Variants in DPP7 observed in about 807,000 individuals in gnomAD.
DPP7 encodes the protein dipeptidyl peptidase 7.
A neutral mutation model predicts 58.8 loss-of-function variants in DPP7; 74 were observed. The observed-to-expected ratio is 1.26, with a 90% confidence interval of 1.04 to 1.53. The LOEUF (loss-of-function observed/expected upper bound fraction) is 1.53, where lower values mean the gene tolerates loss of function less well. DPP7 is among the 40% of genes most tolerant of loss of function. DPP7 has a pLI of 0.00. For synonymous variants in DPP7, 350 were observed against 303.6 expected (o/e 1.15, Z -1.59); for missense variants, 807 against 692.3 (o/e 1.17, Z -1.86).
At chr9:137,112,660 G>T in intron 8 of DPP7, 85 bp downstream of exon 8, 1 of 1,483,836 alleles carries the variant, frequency 6.7e-7, no homozygotes. Flanking sequence ...TGGCCGGGCT[G>T]CGGATCCTCG....
upstream of DPP7, among the ~76,000 whole-genome samples, chr9:137,115,627 G>T (rs1347928744): frequency 6.6e-6 from 1 of 152,136 alleles, no homozygotes; most frequent in African/African-American, 2.4e-5. Context: ...TGCCCATCCT[G>T]TGTGGGGCTG....
rs1831473824 is a variant in DPP7, at chr9:137,113,382, CT to C, written c.599del (p.Gln200ArgfsTer56). 1 of 1,610,634 alleles carries C rather than the reference CT, an allele frequency of 6.2e-7. No homozygotes were observed. The highest frequency in any genetic ancestry group is 1.7e-5 in the Admixed American group (1 of 59,924). On this transcript the variant is annotated frameshift_variant, in exon 5 of 13. Transcript: ENST00000371579. LOFTEE classifies it high-confidence loss of function. ...TCACCGCCGTGACGTCCCGGAAGAA[CT>C]GGTTGGAGTCGCCGAGGCCTGCCAC... is the stretch of plus-strand genomic sequence containing the variant. ...LAVAGLGDSN[Q>X]FFRDVTADFE...
Position 137,112,974 on chromosome 9 carries a change from G to A in DPP7, c.849C>T (p.Pro283=). The change falls in exon 7 of 13, where the codon CCC becomes CCT. Residue 283 remains proline, a synonymous_variant. Transcript: ENST00000371579. ...TCACCTTGACGGGGTTGGCAGGGAGGGGACCCAGGAAGTCAGTGGGGTAGG... is the reference window on the plus strand; with the variant it reads ...TCACCTTGACGGGGTTGGCAGGGAGAGGACCCAGGAAGTCAGTGGGGTAGG... The part of the protein sequence containing the change: ...DYPYPTDFLG[P]LPANPVKVGC... 6.2e-7 allele frequency: 1 copy of A among 1,613,518 alleles called. No individual in the cohort carries two copies. The highest frequency in any genetic ancestry group is 8.5e-7 in the Non-Finnish European group (1 of 1,180,002).
chr9:137,110,661 C>G lies in DPP7; in HGVS notation c.1466G>C (p.Arg489Thr). Residue 489 changes from arginine (R) to threonine (T), a missense_variant, in exon 13 of 13, where the codon AGA becomes ACA. Physicochemically the swap from Arg to Thr is moderately conservative, Grantham distance 71 (BLOSUM62 -1). Transcript: ENST00000371579. ...EQQPALRGGP[R>T]LSL The stretch of plus-strand genomic sequence containing the variant: ...CCAGTCCTGTGCTCAGAGGCTGAGT[C>G]TGGGCCCCCCACGCAGAGCTGGCTG... 1.2e-6 allele frequency: 2 copies of G among 1,609,408 alleles called. No homozygotes were observed. Among genetic ancestry groups the G allele is most frequent in the Non-Finnish European group, 1.7e-6 (2 of 1,179,914 alleles).
At chr9:137,114,890 G>A (rs1378995342), upstream of DPP7, 3 of 386,976 alleles carry the variant, frequency 7.8e-6, no homozygotes, top group Non-Finnish European at 1.3e-5. Flanking sequence ...CGCTGCCCAG[G>A]GGTCCTTCCC....
chr9:137,114,415 G>T, intron 2 of DPP7, 33 bp from the exon 3 acceptor site: 2 of 1,569,422 alleles, frequency 1.3e-6, no homozygotes, highest in Non-Finnish European at 1.7e-6. Flanking sequence ...GAGGGTGCCG[G>T]GGGGCGGCGG....
In DPP7 at chr9:137,110,792, C is replaced by T. The variant is rs576156546; in HGVS notation, c.1344-9G>A. Reference sequence around the variant, plus strand: ...CTTCTGGGTGGGAGGCTCTGGGGAGCGGGCACAGAGGGGGCCCGTCAGCCC... The same window carrying T: ...CTTCTGGGTGGGAGGCTCTGGGGAGTGGGCACAGAGGGGGCCCGTCAGCCC... On this transcript the variant is annotated splice_polypyrimidine_tract_variant and intron_variant, in intron 12 of 12. Transcript: ENST00000371579. 9.4e-6 allele frequency: 15 copies of T among 1,603,076 alleles called. No individual in the cohort carries two copies. The highest frequency in any genetic ancestry group is 4.5e-5 in the East Asian group (2 of 44,792).
rs763370350 is a variant in DPP7, at chr9:137,113,483, G to GCC, written c.498_499insGG (p.Leu167GlyfsTer6). On this transcript the variant is annotated frameshift_variant, in exon 5 of 13. Transcript: ENST00000371579. LOFTEE classifies it high-confidence loss of function. ...TACTTCATCCTCAGGTAGGCACTGA[G>GCC]CATCCCCCCATAACTGGGTGAGGGA... is the stretch of plus-strand genomic sequence containing the variant. 1.6e-5 allele frequency: 26 copies of GCC among 1,579,440 alleles called. No individual in the cohort carries two copies. In the East Asian group the frequency reaches 5.6e-4, roughly 34 times the overall value.
chr9:137,116,228 C>A (rs937096354), upstream of DPP7, among the ~76,000 whole-genome samples: 1 of 152,224 alleles, frequency 6.6e-6, no homozygotes, highest in Non-Finnish European at 1.5e-5. Context: ...CCTCCCAAGC[C>A]GGGAAGGGTG....
chr9:137,113,603 C>T (rs1831487485), intron 4 of DPP7, 107 bp from the exon 5 acceptor site: 2 of 1,446,378 alleles, frequency 1.4e-6, no homozygotes, highest in Non-Finnish European at 1.8e-6. Flanking sequence ...TTCTGAGACC[C>T]ACAAATTCCA....
intron 4 of DPP7, 144 bp from the exon 5 acceptor site, chr9:137,113,640 C>G (rs767681637): frequency 8.0e-5 from 114 of 1,429,608 alleles, no homozygotes; most frequent in Non-Finnish European, 1.0e-4. Context: ...GGGTGCAGCT[C>G]TCACTGGGAA....
In DPP7 at chr9:137,113,075, A is replaced by ACAGCGGCTGG; in HGVS notation, c.738_747dup (p.Ser250ProfsTer33). 5 of 1,613,900 alleles carry ACAGCGGCTGG rather than the reference A, an allele frequency of 3.1e-6. No homozygotes were observed. Among genetic ancestry groups the ACAGCGGCTGG allele is most frequent in the Non-Finnish European group, 4.2e-6 (5 of 1,180,020 alleles). On this transcript the variant is annotated frameshift_variant, in exon 7 of 13. Coordinates refer to ENST00000371579, the MANE Select transcript of DPP7 (RefSeq NM_013379.3). LOFTEE classifies it high-confidence loss of function. Reference sequence around the variant, plus strand: ...AGCTGGGTCAGGTCCTTCTCGTCTGACAGCGGCTGGCAGGTGCCGAACTCC... The same window carrying ACAGCGGCTGG: ...AGCTGGGTCAGGTCCTTCTCGTCTGACAGCGGCTGGCAGCGGCTGGCAGGTGCCGAACTCC...
chr9:137,112,374 G>A, intron 8 of DPP7, 144 bp from the exon 9 acceptor site: 1 of 713,484 alleles, frequency 1.4e-6, no homozygotes, highest in South Asian at 1.9e-5. Context: ...GGCCCTCCAG[G>A]CTACCTGCTT....
At chr9:137,112,658 C>CTGCGGA in intron 8 of DPP7, 87 bp downstream of exon 8, 2 of 1,471,222 alleles carry the variant, frequency 1.4e-6, no homozygotes, top group Non-Finnish European at 1.8e-6. Flanking sequence ...CCTGGCCGGG[C>CTGCGGA]TGCGGATCCT....
chr9:137,114,407 G>C, intron 2 of DPP7, 25 bp from the exon 3 acceptor site: 1 of 1,576,534 alleles, frequency 6.3e-7, no homozygotes, highest in South Asian at 1.1e-5. Flanking sequence ...GATGAGGCGA[G>C]GGTGCCGGGG....
At position 137,114,457 on chromosome 9, in the gene DPP7, T is replaced by C. The variant is rs369168425; in HGVS notation, c.181+6A>G. 6.4e-7 allele frequency: 1 copy of C among 1,559,968 alleles called. No individual in the cohort carries two copies. Among genetic ancestry groups the C allele is most frequent in the African/African-American group, 1.4e-5 (1 of 72,052 alleles). The stretch of plus-strand genomic sequence containing the variant: ...GGGGGCGGCCGGGCCGGGGCCGGGG[T>C]CTCACCCGACACCAGGAAGCGCTGA... On this transcript the variant is annotated splice_donor_region_variant and intron_variant, in intron 2 of 12. Coordinates refer to ENST00000371579, the MANE Select transcript of DPP7 (RefSeq NM_013379.3).
rs1257211229 is a variant in DPP7 at position 137,113,999 on chromosome 9, A to G, written c.351T>C (p.Gly117=). 6.5e-7 allele frequency: 1 copy of G among 1,541,610 alleles called. No individual in the cohort carries two copies. Among genetic ancestry groups the G allele is most frequent in the South Asian group, 1.2e-5 (1 of 85,016 alleles). ...TGTGCCCGCGCTGCGTGGACTGCGCACCGAACGGCAGCGACTTCCCGTAGT... is the reference window on the plus strand; with the variant it reads ...TGTGCCCGCGCTGCGTGGACTGCGCGCCGAACGGCAGCGACTTCCCGTAGT... ...HRYYGKSLPF[G]AQSTQRGHTE... Residue 117 remains glycine (G), a synonymous_variant, in exon 4 of 13, where the codon GGT becomes GGC. Transcript: ENST00000371579.
intron 11 of DPP7, 147 bp from the exon 12 acceptor site, chr9:137,111,097 G>A: frequency 1.2e-6 from 1 of 824,654 alleles, no homozygotes; most frequent in Non-Finnish European, 2.0e-6. Flanking sequence ...GACGGAGGTG[G>A]GAAGTGACGA....
chr9:137,112,440 C>CG (rs200362926), intron 8 of DPP7: 17,236 of 623,732 alleles, frequency 0.028, 303 homozygotes, highest in Middle Eastern at 0.042. Context: ...AGGGCCCCCC[C>CG]GCTCTCCACG....
Sources: gnomAD v4.1 joint callset for allele counts (sites outside exome capture counted in the v4.1 genomes callset) on GRCh38, gnomAD v4.1.1 for gene constraint, MANE v1.5 for transcripts, NCBI Gene and HGNC (gene_info 2026-07-23, HGNC 2026-07-21) for gene names.